The following KCNK12 variants were observed in gnomAD, a reference collection of about 807,000 sequenced individuals.
The protein encoded by KCNK12 is potassium two pore domain channel subfamily K member 12.
A neutral mutation model predicts 25.3 loss-of-function variants in KCNK12; 6 were observed. That is an observed-to-expected ratio of 0.24 (90% CI 0.13 to 0.47). KCNK12 has a LOEUF of 0.47. KCNK12 is among the 20% of genes least tolerant of loss of function. The pLI is 0.99. For synonymous variants in KCNK12, 331 were observed against 311.1 expected (o/e 1.06, Z -0.67); for missense variants, 444 against 661.7 (o/e 0.67, Z 3.61).
rs2104757418 is a variant in KCNK12, at chr2:47,528,410, G to A, written c.392-6602C>T. 1 of 152,480 alleles carries A rather than the reference G, an allele frequency of 6.6e-6. No homozygotes were observed. 9.4% of individuals were successfully genotyped at this position (152,480 alleles called of 1,614,324 possible). On this transcript the variant is annotated intron_variant, in intron 1 of 1. Coordinates refer to ENST00000327876, the MANE Select transcript of KCNK12 (RefSeq NM_022055.2). The surrounding 1 kb of genome is among the most constrained non-coding windows in gnomAD (Gnocchi z 4.5). ...CTCTGGGGGGGTGCTGAGACCCTGG[G>A]ACAGGCTTCCTGCTGAGGGCACTGG...
In KCNK12 at chr2:47,562,931, G is replaced by A. The variant is rs1226932488; in HGVS notation, c.391+7010C>T. On this transcript the variant is annotated intron_variant, in intron 1 of 1. Transcript: ENST00000327876. The surrounding 1 kb of genome is among the most constrained non-coding windows in gnomAD (Gnocchi z 4.8). ...GATTGCTGGCTGGTGGCCCCATGCAGAGCCCCCGACCCCGGAAAGTCAGTG... is the reference window on the plus strand; with the variant it reads ...GATTGCTGGCTGGTGGCCCCATGCAAAGCCCCCGACCCCGGAAAGTCAGTG... The A allele has an allele frequency of 4.3e-6, 1 of 233,436 alleles. No homozygotes were observed. The allele number at this position is 233,436 out of a possible 1,614,324, so 14.5% of individuals were successfully genotyped here. A position where few individuals can be genotyped will look rare whatever the true frequency, so the allele number is the denominator to read the frequency against.
rs942203491 is a variant in KCNK12 at position 47,560,202 on chromosome 2, C to A, written c.391+9739G>T. ...CACTGCAGCTGTTTCCAGTGCAAGG[C>A]TGAGGGTTCTCAGGTCTGGGCGGGA... On this transcript the variant is annotated intron_variant, in intron 1 of 1. Coordinates refer to ENST00000327876, the MANE Select transcript of KCNK12 (RefSeq NM_022055.2). The surrounding 1 kb of genome is among the most constrained non-coding windows in gnomAD (Gnocchi z 4.7). Among the ~76,000 whole-genome samples the A allele has an allele frequency of 6.6e-6, 1 of 152,198 alleles. No individual in the cohort carries two copies. The highest frequency in any genetic ancestry group is 2.4e-5 in the African/African-American group (1 of 41,450).
rs1040968217 is a variant in KCNK12 at position 47,569,583 on chromosome 2, G to A, written c.391+358C>T. Reference sequence around the variant, plus strand: ...GGGGCTTTTGAGATCATCCTGGAGAGGAAACTGAGGCCTGGGGGTTGTGGG... The same window carrying A: ...GGGGCTTTTGAGATCATCCTGGAGAAGAAACTGAGGCCTGGGGGTTGTGGG... On this transcript the variant is annotated intron_variant, in intron 1 of 1. Coordinates refer to ENST00000327876, the MANE Select transcript of KCNK12 (RefSeq NM_022055.2). The surrounding 1 kb of genome is among the most constrained non-coding windows in gnomAD (Gnocchi z 4.1). 2.6e-5 allele frequency among the ~76,000 whole-genome samples: 4 copies of A among 152,168 alleles called. No individual in the cohort carries two copies. In the South Asian group the frequency reaches 8.3e-4, roughly 32 times the overall value.
rs1425176816 is a variant in KCNK12 at position 47,533,083 on chromosome 2, T to G, written c.392-11275A>C. ...TGGAGTGCAGTGGTGTGATCTTGGCTCACTGCAACCTCCACCTCCCAGGTT... is the reference window on the plus strand; with the variant it reads ...TGGAGTGCAGTGGTGTGATCTTGGCGCACTGCAACCTCCACCTCCCAGGTT... On this transcript the variant is annotated intron_variant, in intron 1 of 1. Coordinates refer to ENST00000327876, the MANE Select transcript of KCNK12 (RefSeq NM_022055.2). The surrounding 1 kb of genome is among the most constrained non-coding windows in gnomAD (Gnocchi z 4.7). Among the ~76,000 whole-genome samples the G allele has an allele frequency of 6.6e-6, 1 of 152,186 alleles. No individual in the cohort carries two copies. The highest frequency in any genetic ancestry group is 2.4e-5 in the African/African-American group (1 of 41,452).
intron 1 of KCNK12, among the ~76,000 whole-genome samples, chr2:47,527,978 T>C (rs1348192947): frequency 6.6e-6 from 1 of 152,178 alleles, no homozygotes; most frequent in Non-Finnish European, 1.5e-5. Context: ...TCTTAGCAGT[T>C]TTGTACAGAT....
At position 47,511,812 on chromosome 2, in the gene KCNK12, G is replaced by A. The variant is rs1417088896; in HGVS notation, c.*9095C>T. On this transcript the variant is annotated 3_prime_UTR_variant, in exon 2 of 2. Coordinates refer to ENST00000327876, the MANE Select transcript of KCNK12 (RefSeq NM_022055.2). The surrounding 1 kb of genome is among the most constrained non-coding windows in gnomAD (Gnocchi z 4.3). ...CGTTGTAGACTTTTCTGCAGTGACAGAAATGTTCTATATCTGTGCTATCCA... is the reference window on the plus strand; with the variant it reads ...CGTTGTAGACTTTTCTGCAGTGACAAAAATGTTCTATATCTGTGCTATCCA... Among the ~76,000 whole-genome samples the A allele has an allele frequency of 6.6e-6, 1 of 152,204 alleles. No individual in the cohort carries two copies. Among genetic ancestry groups the A allele is most frequent in the African/African-American group, 2.4e-5 (1 of 41,442 alleles).
Position 47,509,712 on chromosome 2 carries a change from G to A in KCNK12, c.*11195C>T, listed in dbSNP as rs1271812145. On this transcript the variant is annotated 3_prime_UTR_variant, in exon 2 of 2. Transcript: ENST00000327876. ...GGTCTTTTTCTGCTTAAATCAGCTG[G>A]ACTGGATTCTATTGCATTAACTTGA... Among the ~76,000 whole-genome samples, 1 of 152,170 alleles carries A rather than the reference G, an allele frequency of 6.6e-6. No individual in the cohort carries two copies. Among genetic ancestry groups the A allele is most frequent in the Non-Finnish European group, 1.5e-5 (1 of 68,028 alleles).
At chr2:47,545,894 G>A (rs187418443) in intron 1 of KCNK12, among the ~76,000 whole-genome samples, 258 of 151,604 alleles carry the variant, frequency 1.7e-3, no homozygotes, top group African/African-American at 6.0e-3. Flanking sequence ...ATAAAGCCGA[G>A]ACTGAATTGC....
intron 1 of KCNK12, among the ~76,000 whole-genome samples, chr2:47,542,426 G>T (rs1325709319): frequency 1.3e-5 from 2 of 152,204 alleles, no homozygotes; most frequent in African/African-American, 4.8e-5. Flanking sequence ...GAACAACAAG[G>T]ATTTTCTTTT....
intron 1 of KCNK12, chr2:47,563,213 C>T (rs1268972800): frequency 4.3e-6 from 1 of 233,434 alleles, no homozygotes; most frequent in Non-Finnish European, 8.5e-6. Flanking sequence ...ACTCAGCCTG[C>T]CTTCTGCTCC....
Position 47,515,117 on chromosome 2 carries a change from T to C in KCNK12, c.*5790A>G, listed in dbSNP as rs1558543190. On this transcript the variant is annotated 3_prime_UTR_variant, in exon 2 of 2. Transcript: ENST00000327876. ...AAAACAGCCACCTGTGCCCATCACATAGCTGGGGCACAGCTGGAGACCCCA... is the reference window on the plus strand; with the variant it reads ...AAAACAGCCACCTGTGCCCATCACACAGCTGGGGCACAGCTGGAGACCCCA... 6.6e-6 allele frequency among the ~76,000 whole-genome samples: 1 copy of C among 152,164 alleles called. No individual in the cohort carries two copies. Among genetic ancestry groups the C allele is most frequent in the Non-Finnish European group, 1.5e-5 (1 of 68,036 alleles).
At position 47,543,821 on chromosome 2, in the gene KCNK12, A is replaced by G. The variant is rs566423989; in HGVS notation, c.392-22013T>C. 5.3e-5 allele frequency: 8 copies of G among 152,336 alleles called. No individual in the cohort carries two copies. The South Asian group carries it at 1.0e-3, about 20-fold the overall frequency. The allele number at this position is 152,336 out of a possible 1,614,324, so 9.4% of individuals were successfully genotyped here. A position where few individuals can be genotyped will look rare whatever the true frequency, so the allele number is the denominator to read the frequency against. On this transcript the variant is annotated intron_variant, in intron 1 of 1. Transcript: ENST00000327876. ...GGAGATCTGTAAAAGGATGTTTAAC[A>G]TGTTTAAAGTCTTTGTTTCCCATCC...
At chr2:47,546,492 A>T (rs1266654670) in intron 1 of KCNK12, among the ~76,000 whole-genome samples, 1 of 152,198 alleles carries the variant, frequency 6.6e-6, no homozygotes, top group Non-Finnish European at 1.5e-5. Flanking sequence ...CCCCATCTCT[A>T]CAAAAACTAC....
At position 47,520,242 on chromosome 2, in the gene KCNK12, A is replaced by G. The variant is rs1394067270; in HGVS notation, c.*665T>C. The G allele has an allele frequency of 2.6e-5, 4 of 152,310 alleles. No individual in the cohort carries two copies. Among genetic ancestry groups the G allele is most frequent in the African/African-American group, 7.2e-5 (3 of 41,566 alleles). The allele number at this position is 152,310 out of a possible 1,614,324, so 9.4% of individuals were successfully genotyped here. On this transcript the variant is annotated 3_prime_UTR_variant, in exon 2 of 2. Transcript: ENST00000327876. The surrounding 1 kb of genome is among the most constrained non-coding windows in gnomAD (Gnocchi z 5.0). ...GTAGCTGCCCTGTGCTCTGTGCTAA[A>G]TGGACTAACTCTGAGCTGAGAAAGG...
Position 47,560,475 on chromosome 2 carries a change from C to T in KCNK12, c.391+9466G>A, listed in dbSNP as rs1439321203. On this transcript the variant is annotated intron_variant, in intron 1 of 1. Transcript: ENST00000327876. This position sits in a 1 kb window ranked among gnomAD's most constrained non-coding sequence, Gnocchi z 4.7. ...CCTCCTCATCCTCCTCCTCCACCCA[C>T]ACAACCCTGCAGACCCCAGGCTGGG... Among the ~76,000 whole-genome samples the T allele has an allele frequency of 1.3e-5, 2 of 152,202 alleles. No individual in the cohort carries two copies. The highest frequency in any genetic ancestry group is 2.9e-5 in the Non-Finnish European group (2 of 68,046).
chr2:47,541,057 G>A (rs910177219), intron 1 of KCNK12, among the ~76,000 whole-genome samples: 2 of 152,222 alleles, frequency 1.3e-5, no homozygotes, highest in Admixed American at 6.5e-5. Context: ...ATTGAACTCT[G>A]AGTGCCCTAT....
chr2:47,549,947 A>AG (rs1307829864), intron 1 of KCNK12, among the ~76,000 whole-genome samples: 13 of 152,072 alleles, frequency 8.5e-5, no homozygotes, highest in African/African-American at 1.4e-4. Context: ...AAAAAAAAAA[A>AG]GGAAAAATAT....
At position 47,557,436 on chromosome 2, in the gene KCNK12, GT is replaced by G. The variant is rs943223560; in HGVS notation, c.391+12504del. On this transcript the variant is annotated intron_variant, in intron 1 of 1. Coordinates refer to ENST00000327876, the MANE Select transcript of KCNK12 (RefSeq NM_022055.2). This position sits in a 1 kb window ranked among gnomAD's most constrained non-coding sequence, Gnocchi z 4.9. ...GAGTGAAATCAACTTTTTTTTGTTT[GT>G]TTTTTTTTAATAAATTACCCAGTCT... 1.3e-5 allele frequency among the ~76,000 whole-genome samples: 2 copies of G among 149,632 alleles called. No homozygotes were observed. Among genetic ancestry groups the G allele is most frequent in the African/African-American group, 2.5e-5 (1 of 40,140 alleles).
At position 47,560,365 on chromosome 2, in the gene KCNK12, G is replaced by A. The variant is rs916881604; in HGVS notation, c.391+9576C>T. ...GAAGGATGGGAAGCAGGCAGCCCTC[G>A]CTTTAGTGTAGCCACTGACACTGCC... On this transcript the variant is annotated intron_variant, in intron 1 of 1. Coordinates refer to ENST00000327876, the MANE Select transcript of KCNK12 (RefSeq NM_022055.2). The surrounding 1 kb of genome is among the most constrained non-coding windows in gnomAD (Gnocchi z 4.7). Among the ~76,000 whole-genome samples, 4 of 152,158 alleles carry A rather than the reference G, an allele frequency of 2.6e-5. No individual in the cohort carries two copies. Among genetic ancestry groups the A allele is most frequent in the Admixed American group, 1.3e-4 (2 of 15,286 alleles).
Sources: gnomAD v4.1 joint callset for allele counts (sites outside exome capture counted in the v4.1 genomes callset) on GRCh38, gnomAD v4.1.1 for gene constraint, Gnocchi (gnomAD v3.1) non-coding constraint, MANE v1.5 for transcripts, NCBI Gene and HGNC (gene_info 2026-07-23, HGNC 2026-07-21) for gene names.